PPP6R3: variants seen among roughly 807,000 people sequenced by gnomAD.
PPP6R3 encodes protein phosphatase 6 regulatory subunit 3.
Under a neutral mutation model 110.7 loss-of-function variants are expected in PPP6R3, and 38 were observed. That is an observed-to-expected ratio of 0.34 (90% CI 0.26 to 0.45). The LOEUF is 0.45. Among genes scored for constraint, PPP6R3 ranks in the 20% least tolerant of loss-of-function variants. The pLI is 1.00. For missense variants in PPP6R3, 870 were observed against 1,062.4 expected, an observed-to-expected ratio of 0.82 and a Z score of 2.52; for synonymous variants, 369 against 373.5, an observed-to-expected ratio of 0.99 and a Z score of 0.14.
intron 3 of PPP6R3, among the ~76,000 whole-genome samples, chr11:68,542,744 C>T (rs1211981740): frequency 6.6e-6 from 1 of 152,132 alleles, no homozygotes; most frequent in Non-Finnish European, 1.5e-5. Context: ...GTAGCCCCAG[C>T]CTGTCTGGAA....
intron 1 of PPP6R3, among the ~76,000 whole-genome samples, chr11:68,517,242 G>T (rs1295993423): frequency 6.6e-6 from 1 of 151,186 alleles, no homozygotes; most frequent in African/African-American, 2.4e-5. Flanking sequence ...TGTTTGTTTT[G>T]CTGCTTTTTA....
chr11:68,510,338 T>A (rs1473607741), intron 1 of PPP6R3, among the ~76,000 whole-genome samples: 2 of 152,082 alleles, frequency 1.3e-5, no homozygotes, highest in African/African-American at 2.4e-5. Flanking sequence ...CAGTCCAACA[T>A]TCTTCTTTGT....
intron 6 of PPP6R3, among the ~76,000 whole-genome samples, chr11:68,553,263 G>A (rs1252970385): frequency 6.6e-6 from 1 of 151,302 alleles, no homozygotes; most frequent in Non-Finnish European, 1.5e-5. Flanking sequence ...TTATCCATTG[G>A]CATTTTCCAG....
At position 68,527,965 on chromosome 11, in the gene PPP6R3, C is replaced by T. The variant is rs192059088; in HGVS notation, c.-7+8314C>T. Among the ~76,000 whole-genome samples, 11 of 152,326 alleles carry T rather than the reference C, an allele frequency of 7.2e-5. No individual in the cohort carries two copies. In the East Asian group the frequency reaches 2.1e-3, roughly 29 times the overall value. ...CCTAAATGCTCCCTGTATTTTGAGG[C>T]TCAACTTAGGCTTGATATATAATGA... On this transcript the variant is annotated intron_variant, in intron 2 of 23. Transcript: ENST00000393800.
chr11:68,479,259 A>G (rs147666465), intron 1 of PPP6R3, among the ~76,000 whole-genome samples: 95 of 152,320 alleles, frequency 6.2e-4, no homozygotes, highest in African/African-American at 2.2e-3. Context: ...AACCGCTATT[A>G]AACAGCAGCA....
intron 15 of PPP6R3, among the ~76,000 whole-genome samples, 195 bp downstream of exon 15, chr11:68,583,324 A>G (rs2099568580): frequency 6.6e-6 from 1 of 152,184 alleles, no homozygotes; most frequent in Admixed American, 6.5e-5. Flanking sequence ...GTTTCAAGGG[A>G]TTGTTCCATC....
At position 68,489,162 on chromosome 11, in the gene PPP6R3, G is replaced by T. The variant is rs569899462; in HGVS notation, c.-158+28335G>T. 1.4e-4 allele frequency among the ~76,000 whole-genome samples: 22 copies of T among 151,870 alleles called. No homozygotes were observed. In the East Asian group the frequency reaches 2.1e-3, roughly 15 times the overall value. On this transcript the variant is annotated intron_variant, in intron 1 of 23. Transcript: ENST00000393800. ...GACTCCAGAGCAGCTGGGACTACAG[G>T]TGTCTGCCACCACGCCCGGCTAATT...
intron 18 of PPP6R3, among the ~76,000 whole-genome samples, chr11:68,593,279 CTTTT>C (rs765617819): frequency 6.6e-6 from 1 of 152,132 alleles, no homozygotes; most frequent in Non-Finnish European, 1.5e-5. Context: ...ATACATTATA[CTTTT>C]TTTGTCTAGC....
rs1241942465 is a variant in PPP6R3, at chr11:68,575,553, C to T, written c.1460-405C>T. The stretch of plus-strand genomic sequence containing the variant: ...GCAGCATTTTCTAGACTTAACTTGA[C>T]CATGGAAAAAGATCCCCCTACCCCC... On this transcript the variant is annotated intron_variant, in intron 13 of 23. Transcript: ENST00000393800. 2.0e-5 allele frequency among the ~76,000 whole-genome samples: 3 copies of T among 152,248 alleles called. No individual in the cohort carries two copies. The East Asian group carries it at 5.8e-4, about 29-fold the overall frequency.
At chr11:68,462,556 T>TA (rs1439650948) in intron 1 of PPP6R3, among the ~76,000 whole-genome samples, 1 of 152,206 alleles carries the variant, frequency 6.6e-6, no homozygotes, top group East Asian at 1.9e-4. Flanking sequence ...TCCTCCTTGT[T>TA]ACTGAAAACT....
intron 1 of PPP6R3, among the ~76,000 whole-genome samples, chr11:68,484,711 C>T (rs556750701): frequency 1.2e-4 from 18 of 152,078 alleles, no homozygotes; most frequent in Non-Finnish European, 2.4e-4. Flanking sequence ...CCTCAGCCTC[C>T]GGAGTAGCTG....
At chr11:68,574,892 T>G (rs1249845672) in intron 13 of PPP6R3, among the ~76,000 whole-genome samples, 2 of 152,224 alleles carry the variant, frequency 1.3e-5, no homozygotes, top group Non-Finnish European at 2.9e-5. Flanking sequence ...TGAACAGTCT[T>G]TAACATCCAT....
intron 19 of PPP6R3, among the ~76,000 whole-genome samples, chr11:68,597,754 G>A (rs1304763268): frequency 1.3e-5 from 2 of 150,706 alleles, no homozygotes; most frequent in Non-Finnish European, 3.0e-5. Flanking sequence ...CGAGTCAGGC[G>A]GATCACTTGA....
At chr11:68,549,194 C>CTCCCTTTCT (rs1385972372) in intron 5 of PPP6R3, among the ~76,000 whole-genome samples, 1 of 152,174 alleles carries the variant, frequency 6.6e-6, no homozygotes, top group African/African-American at 2.4e-5. Flanking sequence ...CCCGGTCCCC[C>CTCCCTTTCT]TCCCTTTCTT....
chr11:68,569,857 C>T lies in PPP6R3; in HGVS notation c.1238C>T (p.Thr413Ile), dbSNP rs2099495771. 1 of 1,611,874 alleles carries T rather than the reference C, an allele frequency of 6.2e-7. No individual in the cohort carries two copies. The highest frequency in any genetic ancestry group is 8.5e-7 in the Non-Finnish European group (1 of 1,178,694). ...PFENTENATI[T>I]DQDSTGDNLL... is the part of the protein sequence containing the mutation. Reference sequence around the variant, plus strand: ...GAAAACACAGAAAATGCCACAATTACCGATCAAGACTCCACTGGTGATAAT... The same window carrying T: ...GAAAACACAGAAAATGCCACAATTATCGATCAAGACTCCACTGGTGATAAT... The change falls in exon 11 of 24, where the codon ACC (threonine) becomes ATC (isoleucine). Residue 413 changes from threonine (T) to isoleucine (I), a missense_variant. Thr to Ile is a moderately conservative substitution (Grantham distance 89, BLOSUM62 -1). Transcript: ENST00000393800.
Position 68,576,141 on chromosome 11 carries a change from C to T in PPP6R3, c.1545+98C>T, listed in dbSNP as rs572955327. The T allele has an allele frequency of 2.1e-5, 18 of 851,156 alleles. No homozygotes were observed. In the South Asian group the frequency reaches 2.9e-4, roughly 14 times the overall value. The allele number at this position is 851,156 out of a possible 1,614,324, so 52.7% of individuals were successfully genotyped here. The stretch of plus-strand genomic sequence containing the variant: ...AAAGATCTTCCATTTACCTCAGTAA[C>T]TGTGAGCCAAAGATAAATTCTTATC... On this transcript the variant is annotated intron_variant, in intron 14 of 23. Transcript: ENST00000393800.
At chr11:68,493,429 ATTT>A (rs906456832) in intron 1 of PPP6R3, among the ~76,000 whole-genome samples, 1 of 151,624 alleles carries the variant, frequency 6.6e-6, no homozygotes, top group Non-Finnish European at 1.5e-5. Flanking sequence ...AGGTGCTGCC[ATTT>A]TTAATTTTTA....
chr11:68,463,225 C>T (rs1264601135), intron 1 of PPP6R3, among the ~76,000 whole-genome samples: 2 of 151,730 alleles, frequency 1.3e-5, no homozygotes, highest in Non-Finnish European at 2.9e-5. Flanking sequence ...AAAAATTAGT[C>T]GGTCATGGTG....
intron 18 of PPP6R3, among the ~76,000 whole-genome samples, chr11:68,592,185 A>T (rs1175760682): frequency 1.3e-5 from 2 of 152,092 alleles, no homozygotes; most frequent in Non-Finnish European, 2.9e-5. Context: ...TATCACAGGA[A>T]CCTAAATAAA....
Sources: allele counts gnomAD v4.1 joint callset (sites outside exome capture counted in the v4.1 genomes callset), GRCh38; gene constraint gnomAD v4.1.1; transcripts MANE v1.5; gene names NCBI Gene and HGNC (gene_info 2026-07-23, HGNC 2026-07-21).